Variants in CCDC150 observed in about 807,000 individuals in gnomAD.
CCDC150 encodes the protein coiled-coil domain containing 150.
A neutral mutation model predicts 156.5 loss-of-function variants in CCDC150; 151 were observed. That is an observed-to-expected ratio of 0.97 (90% CI 0.85 to 1.10). CCDC150 has a LOEUF of 1.10. Ranked by LOEUF, CCDC150 falls within the 50% of genes least tolerant of loss-of-function variation. CCDC150 has a pLI of 0.00. For synonymous variants in CCDC150, 452 were observed against 429.4 expected (o/e 1.05, Z -0.65); for missense variants, 1,312 against 1,268.1 (o/e 1.03, Z -0.53).
chr2:196,685,595 A>C (rs1213050170), intron 13 of CCDC150, among the ~76,000 whole-genome samples: 5 of 151,658 alleles, frequency 3.3e-5, no homozygotes, highest in Non-Finnish European at 7.4e-5. Flanking sequence ...TTCATGGTTG[A>C]ATGTTTTTCT....
chr2:196,722,343 A>C lies in CCDC150; in HGVS notation c.2429+652A>C, dbSNP rs1450276674. Among the ~76,000 whole-genome samples the C allele has an allele frequency of 2.0e-5, 3 of 151,966 alleles. No individual in the cohort carries two copies. In the East Asian group the frequency reaches 5.8e-4, roughly 29 times the overall value. ...CAGGCTGGAGTTCAGTGGTGTGATC[A>C]TGGCTCACTGCAGCCTCTACTTCCT... On this transcript the variant is annotated intron_variant, in intron 21 of 27. Coordinates refer to ENST00000389175, the MANE Select transcript of CCDC150 (RefSeq NM_001080539.2).
intron 17 of CCDC150, chr2:196,713,492 C>T (rs965394034): frequency 1.7e-5 from 26 of 1,550,584 alleles, no homozygotes; most frequent in Admixed American, 3.9e-5. Flanking sequence ...AAACTCTACA[C>T]GCCGTGTGAG....
At chr2:196,661,291 T>C (rs1402942658) in intron 5 of CCDC150, among the ~76,000 whole-genome samples, 3 of 152,188 alleles carry the variant, frequency 2.0e-5, no homozygotes, top group Non-Finnish European at 4.4e-5. Flanking sequence ...CAGAAATTTA[T>C]TTGTTGAAGT....
intron 17 of CCDC150, among the ~76,000 whole-genome samples, chr2:196,714,887 G>A (rs1468246771): frequency 6.6e-6 from 1 of 152,166 alleles, no homozygotes; most frequent in Non-Finnish European, 1.5e-5. Flanking sequence ...ACAAAATTCA[G>A]TAGATTATCA....
At chr2:196,721,039 G>T (rs1386613083) in intron 20 of CCDC150, among the ~76,000 whole-genome samples, 1 of 151,720 alleles carries the variant, frequency 6.6e-6, no homozygotes, top group Non-Finnish European at 1.5e-5. Flanking sequence ...GTGCTCACAG[G>T]TATATATTTA....
chr2:196,679,413 C>T (rs1257252928), intron 13 of CCDC150, among the ~76,000 whole-genome samples: 1 of 152,156 alleles, frequency 6.6e-6, no homozygotes, highest in Non-Finnish European at 1.5e-5. Context: ...TAGAATCATA[C>T]AGTATGTAGC....
intron 2 of CCDC150, among the ~76,000 whole-genome samples, 169 bp from the exon 3 acceptor site, chr2:196,656,464 G>T (rs569788775): frequency 3.9e-4 from 59 of 152,296 alleles, no homozygotes; most frequent in African/African-American, 1.4e-3. Flanking sequence ...TTCTCAGAGG[G>T]AATTGATTAG....
At chr2:196,683,259 T>C (rs1694945591) in intron 13 of CCDC150, among the ~76,000 whole-genome samples, 1 of 152,116 alleles carries the variant, frequency 6.6e-6, no homozygotes, top group Non-Finnish European at 1.5e-5. Flanking sequence ...GCTTTTGCTG[T>C]GTCTATTGAG....
chr2:196,696,476 T>G (rs11676979), intron 14 of CCDC150, among the ~76,000 whole-genome samples: 194 of 152,356 alleles, frequency 1.3e-3, no homozygotes, highest in Admixed American at 2.1e-3. Context: ...ACTGATTCTT[T>G]CCTGAATCCA....
At chr2:196,642,789 G>T (rs1313042789) in intron 1 of CCDC150, among the ~76,000 whole-genome samples, 1 of 152,088 alleles carries the variant, frequency 6.6e-6, no homozygotes, top group African/African-American at 2.4e-5. Flanking sequence ...ACCCAGGCTG[G>T]GGTGCAGTGG....
intron 17 of CCDC150, among the ~76,000 whole-genome samples, chr2:196,714,997 A>T (rs1336251358): frequency 6.6e-6 from 1 of 152,180 alleles, no homozygotes; most frequent in Non-Finnish European, 1.5e-5. Flanking sequence ...AGGATGTTTT[A>T]TAACGTTGAG....
At chr2:196,711,110 G>GT (rs1241966033) in intron 15 of CCDC150, among the ~76,000 whole-genome samples, 6 of 152,230 alleles carry the variant, frequency 3.9e-5, no homozygotes, top group African/African-American at 7.2e-5. Flanking sequence ...GGTTTACCTT[G>GT]TTTTTTACAG....
intron 12 of CCDC150, 95 bp downstream of exon 12, chr2:196,676,826 C>T (rs762923520): frequency 2.3e-5 from 27 of 1,156,876 alleles, no homozygotes; most frequent in South Asian, 7.4e-5. Context: ...AGAAATAAAA[C>T]CCAGATGCAG....
chr2:196,691,514 T>C (rs1373748978), intron 13 of CCDC150, among the ~76,000 whole-genome samples: 4 of 152,224 alleles, frequency 2.6e-5, no homozygotes, highest in Non-Finnish European at 5.9e-5. Flanking sequence ...TTTTTAATAT[T>C]CTCTGATGGT....
chr2:196,660,470 G>A (rs1420861500), intron 5 of CCDC150, among the ~76,000 whole-genome samples: 18 of 152,120 alleles, frequency 1.2e-4, no homozygotes, highest in Admixed American at 1.2e-3. Flanking sequence ...TATCCTCACC[G>A]GCATTTGGTC....
chr2:196,712,307 T>C (rs1399939704), intron 16 of CCDC150, 55 bp downstream of exon 16: 4 of 960,570 alleles, frequency 4.2e-6, no homozygotes, highest in Non-Finnish European at 6.3e-6. Flanking sequence ...TTTAAGAAAT[T>C]GTTTGATGTC....
intron 15 of CCDC150, 97 bp from the exon 16 acceptor site, chr2:196,712,048 C>A: frequency 5.4e-6 from 2 of 368,772 alleles, no homozygotes; most frequent in Non-Finnish European, 4.8e-6. Flanking sequence ...ACTCATGACC[C>A]TTTTTCCCCC....
intron 13 of CCDC150, among the ~76,000 whole-genome samples, chr2:196,691,517 C>G (rs1695471484): frequency 6.6e-6 from 1 of 152,086 alleles, no homozygotes; most frequent in Non-Finnish European, 1.5e-5. Context: ...TTAATATTCT[C>G]TGATGGTTGT....
At chr2:196,729,487 A>AGAGAATACATGGGGC in intron 23 of CCDC150, 100 bp downstream of exon 23, 1 of 1,087,312 alleles carries the variant, frequency 9.2e-7, no homozygotes, top group Non-Finnish European at 1.4e-6. Context: ...TAGCAGCCCC[A>AGAGAATACATGGGGC]TGTATTCTCT....
Sources: allele counts gnomAD v4.1 joint callset (sites outside exome capture counted in the v4.1 genomes callset), GRCh38; gene constraint gnomAD v4.1.1; transcripts MANE v1.5; gene names NCBI Gene and HGNC (gene_info 2026-07-23, HGNC 2026-07-21).